The following TBX21 variants were observed in gnomAD, a reference collection of about 807,000 sequenced individuals.
TBX21 encodes T-box transcription factor TBX21.
A neutral mutation model predicts 52.2 loss-of-function variants in TBX21; 11 were observed. The ratio of observed to expected loss-of-function variants is 0.21; its 90% CI spans 0.13 to 0.35. TBX21 has a LOEUF of 0.35. Ranked by LOEUF, TBX21 falls within the 10% of genes least tolerant of loss-of-function variation. The pLI, the probability that TBX21 is intolerant of heterozygous loss-of-function variation, is 1.00. For synonymous variants in TBX21, 300 were observed against 316.1 expected (o/e 0.95, Z 0.54); for missense variants, 625 against 755.1 (o/e 0.83, Z 2.02).
intron 3 of TBX21, among the ~76,000 whole-genome samples, chr17:47,743,918 A>T (rs981537734): frequency 1.3e-5 from 2 of 151,928 alleles, no homozygotes; most frequent in African/African-American, 4.8e-5. Context: ...AAGAAAAAAA[A>T]GTGCCCTTGC....
At chr17:47,737,623 T>G (rs2032220390) in intron 1 of TBX21, among the ~76,000 whole-genome samples, 1 of 152,088 alleles carries the variant, frequency 6.6e-6, no homozygotes, top group Non-Finnish European at 1.5e-5. Flanking sequence ...TCGATAACTT[T>G]CTACATCTTT....
chr17:47,743,236 C>T, intron 3 of TBX21, 44 bp downstream of exon 3: 1 of 1,607,626 alleles, frequency 6.2e-7, no homozygotes, highest in East Asian at 2.2e-5. Flanking sequence ...TGCTCCCCAC[C>T]CTGGGTCTGA....
At position 47,739,492 on chromosome 17, in the gene TBX21, C is replaced by T. The variant is rs1416056897; in HGVS notation, c.492-3118C>T. ...AAATCAGTATGGCCTGGCGCGGTGG[C>T]TCACCCCTGTAATCCCAGCACTTTG... On this transcript the variant is annotated intron_variant, in intron 1 of 5. Coordinates refer to ENST00000177694, the MANE Select transcript of TBX21 (RefSeq NM_013351.2). 3.3e-5 allele frequency among the ~76,000 whole-genome samples: 5 copies of T among 151,642 alleles called. No homozygotes were observed. In the East Asian group the frequency reaches 9.7e-4, roughly 29 times the overall value.
intron 3 of TBX21, 82 bp from the exon 4 acceptor site, chr17:47,744,113 G>A (rs946366746): frequency 7.7e-6 from 12 of 1,554,344 alleles, no homozygotes; most frequent in Middle Eastern, 4.6e-4. Flanking sequence ...CTAGCCTCAC[G>A]TGGGGCCAGC....
chr17:47,745,535 T>C lies in TBX21; in HGVS notation c.*169T>C, dbSNP rs11657479. ...AAGAAGGATTTTGGGGTTCACCAGATGCTTCCTGGCCCACGATGAAACCTG... is the reference window on the plus strand; with the variant it reads ...AAGAAGGATTTTGGGGTTCACCAGACGCTTCCTGGCCCACGATGAAACCTG... On this transcript the variant is annotated 3_prime_UTR_variant, in exon 6 of 6. Coordinates refer to ENST00000177694, the MANE Select transcript of TBX21 (RefSeq NM_013351.2). 196,542 of 906,968 alleles carry C rather than the reference T, an allele frequency of 0.22. 22,948 individuals are homozygous for C. The highest frequency in any genetic ancestry group is 0.29 in the Middle Eastern group (824 of 2,884). The allele number at this position is 906,968 out of a possible 1,614,324, so 56.2% of individuals were successfully genotyped here.
chr17:47,743,749 G>A (rs753484899), intron 3 of TBX21, among the ~76,000 whole-genome samples: 6 of 151,936 alleles, frequency 3.9e-5, no homozygotes, highest in South Asian at 2.1e-4. Context: ...GCATGGTGGC[G>A]GGTGCCTGTA....
At chr17:47,744,711 C>A in intron 5 of TBX21, 37 bp from the exon 6 acceptor site, 1 of 1,599,830 alleles carries the variant, frequency 6.3e-7, no homozygotes. Flanking sequence ...ACTGGTTCTG[C>A]TTGTGACCCG....
chr17:47,739,909 AAAAG>A (rs538588195), intron 1 of TBX21, among the ~76,000 whole-genome samples: 12 of 152,172 alleles, frequency 7.9e-5, no homozygotes, highest in Admixed American at 5.2e-4. Context: ...TGTCTAAAAA[AAAAG>A]AAAGAAAAAA....
chr17:47,738,616 TTTGAG>T (rs2032234363), intron 1 of TBX21, among the ~76,000 whole-genome samples: 1 of 151,940 alleles, frequency 6.6e-6, no homozygotes, highest in East Asian at 1.9e-4. Flanking sequence ...TTTTTTTTTT[TTTGAG>T]ACAAAGTCTC....
At position 47,745,218 on chromosome 17, in the gene TBX21, C is replaced by T; in HGVS notation, c.1460C>T (p.Ser487Phe). 1.2e-6 allele frequency: 2 copies of T among 1,614,236 alleles called. No individual in the cohort carries two copies. The highest frequency in any genetic ancestry group is 1.7e-6 in the Non-Finnish European group (2 of 1,180,032). ...WTEIAPIRPE[S>F]SDSGLGEGDS... is the part of the protein sequence containing the mutation. ...GAGATTGCCCCCATCCGGCCGGAAT[C>T]CAGTGATTCAGGACTGGGCGAAGGA... The change falls in exon 6 of 6, where the codon TCC (serine) becomes TTC (phenylalanine). Residue 487 changes from serine (S) to phenylalanine (F), a missense_variant. Physicochemically the swap from Ser to Phe is radical, Grantham distance 155. Transcript: ENST00000177694.
chr17:47,735,850 G>T (rs2032201481), intron 1 of TBX21, among the ~76,000 whole-genome samples: 1 of 152,182 alleles, frequency 6.6e-6, no homozygotes, highest in South Asian at 2.1e-4. Context: ...CTGTTGTGTG[G>T]TCAGGAGGAC....
chr17:47,736,577 G>A (rs1323992029), intron 1 of TBX21, among the ~76,000 whole-genome samples: 1 of 151,950 alleles, frequency 6.6e-6, no homozygotes, highest in South Asian at 2.1e-4. Flanking sequence ...TGTTTCTTTT[G>A]GTGCTTTTTC....
At chr17:47,738,038 C>G (rs1263635701) in intron 1 of TBX21, among the ~76,000 whole-genome samples, 1 of 152,038 alleles carries the variant, frequency 6.6e-6, no homozygotes, top group Non-Finnish European at 1.5e-5. Context: ...CCCGCCTCAG[C>G]CTCCCAAAGT....
Position 47,733,589 on chromosome 17 carries a change from G to T in TBX21, c.135G>T (p.Ala45=), listed in dbSNP as rs1457256024. 2.1e-6 allele frequency: 3 copies of T among 1,458,132 alleles called. No homozygotes were observed. Among genetic ancestry groups the T allele is most frequent in the Non-Finnish European group, 2.7e-6 (3 of 1,113,520 alleles). 90.3% of individuals were successfully genotyped at this position (1,458,132 alleles called of 1,614,324 possible). ...ACCCGGAGCCGGGCGCGCAGGACGC[G>T]GACGAGCGTCGCGGGGGCGGCAGCC... The part of the protein sequence containing the change: ...YFYPEPGAQD[A]DERRGGGSLG... The change falls in exon 1 of 6, where the codon GCG becomes GCT. Residue 45 remains alanine, a synonymous_variant. Coordinates refer to ENST00000177694, the MANE Select transcript of TBX21 (RefSeq NM_013351.2). The surrounding 1 kb of genome is among the most constrained non-coding windows in gnomAD (Gnocchi z 6.6).
Position 47,742,877 on chromosome 17 carries a change from A to G in TBX21, c.646+113A>G. 1 of 1,460,204 alleles carries G rather than the reference A, an allele frequency of 6.8e-7. No individual in the cohort carries two copies. Among genetic ancestry groups the G allele is most frequent in the South Asian group, 1.4e-5 (1 of 73,258 alleles). The allele number at this position is 1,460,204 out of a possible 1,614,324, so 90.5% of individuals were successfully genotyped here. A position where few individuals can be genotyped will look rare whatever the true frequency, so the allele number is the denominator to read the frequency against. On this transcript the variant is annotated intron_variant, in intron 2 of 5. Transcript: ENST00000177694. This position sits in a 1 kb window ranked among gnomAD's most constrained non-coding sequence, Gnocchi z 4.4. ...TAGACCTTTAACCCCCTCCCACTCCATCCCACGCCATTGCATCCCTCCTGT... is the reference window on the plus strand; with the variant it reads ...TAGACCTTTAACCCCCTCCCACTCCGTCCCACGCCATTGCATCCCTCCTGT...
In TBX21 at chr17:47,746,119, T is replaced by G. The variant is rs1301712250; in HGVS notation, c.*753T>G. On this transcript the variant is annotated 3_prime_UTR_variant, in exon 6 of 6. Transcript: ENST00000177694. ...TTTCTGAAAATAAACATAAAACTGT[T>G]GAATGTGCCTGCCTCAGTGCCAGCA... 1 of 152,360 alleles carries G rather than the reference T, an allele frequency of 6.6e-6. No homozygotes were observed. The highest frequency in any genetic ancestry group is 1.5e-5 in the Non-Finnish European group (1 of 68,188). 9.4% of individuals were successfully genotyped at this position (152,360 alleles called of 1,614,324 possible).
At chr17:47,735,886 T>A (rs1308156942) in intron 1 of TBX21, among the ~76,000 whole-genome samples, 1 of 152,162 alleles carries the variant, frequency 6.6e-6, no homozygotes, top group East Asian at 1.9e-4. Context: ...CTTGCTGGGG[T>A]CTCCCCACAG....
intron 3 of TBX21, among the ~76,000 whole-genome samples, chr17:47,743,645 G>T (rs1453902057): frequency 6.6e-6 from 1 of 152,116 alleles, no homozygotes; most frequent in African/African-American, 2.4e-5. Context: ...ACTTTGGGAG[G>T]CCAAGGCGGG....
In TBX21 at chr17:47,742,799, C is replaced by T. The variant is rs375096986; in HGVS notation, c.646+35C>T. On this transcript the variant is annotated intron_variant, in intron 2 of 5. Coordinates refer to ENST00000177694, the MANE Select transcript of TBX21 (RefSeq NM_013351.2). This position sits in a 1 kb window ranked among gnomAD's most constrained non-coding sequence, Gnocchi z 4.4. ...CCCCTGGGAGCGGTGGGCTCTGTTT[C>T]GCTGGGACTGGGCGCCCCCTGGTGG... 2.5e-4 allele frequency: 391 copies of T among 1,535,122 alleles called. 2 individuals are homozygous for T. In the African/African-American group the frequency reaches 4.6e-3, roughly 18 times the overall value.
Sources: allele counts gnomAD v4.1 joint callset (sites outside exome capture counted in the v4.1 genomes callset), GRCh38; gene constraint gnomAD v4.1.1; non-coding constraint Gnocchi (gnomAD v3.1); transcripts MANE v1.5; gene names NCBI Gene and HGNC (gene_info 2026-07-23, HGNC 2026-07-21).